The following AFG2A variants were observed in gnomAD, a reference collection of about 807,000 sequenced individuals.
AFG2A encodes the protein ATPase family gene 2 protein homolog A.
At chr4:123,213,634 A>G in the AFG2A span, among the ~76,000 whole-genome samples, 1 of 152,150 alleles carries the variant, frequency 6.6e-6, no homozygotes, top group African/African-American at 2.4e-5. Flanking sequence ...ATGGGAAAAA[A>G]CATTTTGTAC....
At chr4:122,939,241 A>G in the AFG2A span, among the ~76,000 whole-genome samples, 1 of 151,808 alleles carries the variant, frequency 6.6e-6, no homozygotes, top group African/African-American at 2.4e-5. Flanking sequence ...ATGTACCACC[A>G]CGCCTGGCTG....
At chr4:123,181,336 C>G in the AFG2A span, among the ~76,000 whole-genome samples, 100,235 of 151,718 alleles carry the variant, frequency 0.66, 33,838 homozygotes, top group Non-Finnish European at 0.72. Context: ...AGCTGGCCAA[C>G]CACGGTGATT....
At chr4:123,177,136 G>A in the AFG2A span, among the ~76,000 whole-genome samples, 1 of 151,350 alleles carries the variant, frequency 6.6e-6, no homozygotes, top group Non-Finnish European at 1.5e-5. Flanking sequence ...TTTAGTGTCT[G>A]TGTAATCATG....
At chr4:122,991,512 T>G in the AFG2A span, among the ~76,000 whole-genome samples, 2 of 152,178 alleles carry the variant, frequency 1.3e-5, no homozygotes, top group Admixed American at 6.6e-5. Flanking sequence ...CCCAGTTAAC[T>G]CTCAGAACTG....
chr4:123,082,854 TTG>T, the AFG2A span, among the ~76,000 whole-genome samples: 1 of 152,114 alleles, frequency 6.6e-6, no homozygotes, highest in African/African-American at 2.4e-5. Context: ...TCATTGGTGT[TTG>T]TATTTTTTCT....
chr4:123,219,859 T>C, the AFG2A span, among the ~76,000 whole-genome samples: 2 of 151,842 alleles, frequency 1.3e-5, no homozygotes, highest in African/African-American at 4.9e-5. Context: ...TTAACTGTAA[T>C]GAGTTGAAAA....
At chr4:122,923,440 G>T in the AFG2A span, 2 of 1,163,122 alleles carry the variant, frequency 1.7e-6, no homozygotes, top group South Asian at 1.5e-5. Flanking sequence ...GCACAGAAGC[G>T]TGTAAGACTT....
At chr4:123,064,482 C>T in the AFG2A span, among the ~76,000 whole-genome samples, 1 of 152,206 alleles carries the variant, frequency 6.6e-6, no homozygotes, top group South Asian at 2.1e-4. Flanking sequence ...GCAGTTGACT[C>T]TAGTACTTTG....
the AFG2A span, among the ~76,000 whole-genome samples, chr4:123,225,768 G>A: frequency 6.6e-6 from 1 of 152,162 alleles, no homozygotes; most frequent in Non-Finnish European, 1.5e-5. Flanking sequence ...GTAGTTTGAT[G>A]GGGATGGCAT....
the AFG2A span, among the ~76,000 whole-genome samples, chr4:122,958,242 C>A: frequency 1.3e-5 from 2 of 152,158 alleles, no homozygotes; most frequent in East Asian, 3.8e-4. Flanking sequence ...TTTTTGCCTT[C>A]CCACTGACAG....
chr4:123,248,431 G>C, the AFG2A span, among the ~76,000 whole-genome samples: 2 of 152,162 alleles, frequency 1.3e-5, no homozygotes, highest in Non-Finnish European at 2.9e-5. Flanking sequence ...AGAATTTCAA[G>C]CTTTAAAAGA....
chr4:123,072,083 C>T, the AFG2A span, among the ~76,000 whole-genome samples: 2 of 152,188 alleles, frequency 1.3e-5, no homozygotes, highest in Non-Finnish European at 2.9e-5. Flanking sequence ...AGTATAGGCT[C>T]TGGAATCAAG....
chr4:123,043,567 A>G, the AFG2A span, among the ~76,000 whole-genome samples: 1 of 152,214 alleles, frequency 6.6e-6, no homozygotes, highest in African/African-American at 2.4e-5. Context: ...AAGTGATGAT[A>G]CCAGTCATTT....
At chr4:123,185,977 G>T in the AFG2A span, among the ~76,000 whole-genome samples, 1 of 151,860 alleles carries the variant, frequency 6.6e-6, no homozygotes, top group South Asian at 2.1e-4. Flanking sequence ...GGGGACTTTT[G>T]TTAGGTCAAG....
the AFG2A span, among the ~76,000 whole-genome samples, chr4:123,118,036 A>G: frequency 1.3e-5 from 2 of 151,830 alleles, no homozygotes; most frequent in Admixed American, 1.3e-4. Flanking sequence ...AATAAACTTC[A>G]TGTTATTCTA....
At chr4:123,125,844 T>G in the AFG2A span, among the ~76,000 whole-genome samples, 1 of 152,200 alleles carries the variant, frequency 6.6e-6, no homozygotes, top group East Asian at 1.9e-4. Flanking sequence ...CTCAATTTCT[T>G]TTTTCTGCTC....
chr4:122,963,484 A>C, the AFG2A span, among the ~76,000 whole-genome samples: 1 of 152,196 alleles, frequency 6.6e-6, no homozygotes, highest in Non-Finnish European at 1.5e-5. Context: ...AGCACCTTGT[A>C]TGTACTAACA....
At chr4:122,924,369 A>AC in the AFG2A span, among the ~76,000 whole-genome samples, 1 of 151,876 alleles carries the variant, frequency 6.6e-6, no homozygotes, top group Non-Finnish European at 1.5e-5. Flanking sequence ...TTTGACTTCC[A>AC]CCCCATCATT....
At chr4:123,298,741 G>T in the AFG2A span, among the ~76,000 whole-genome samples, 112 of 152,268 alleles carry the variant, frequency 7.4e-4, no homozygotes, top group African/African-American at 2.5e-3. Flanking sequence ...AATCAAGAGT[G>T]TTCATTAAAA....
Sources: allele counts gnomAD v4.1 joint callset (sites outside exome capture counted in the v4.1 genomes callset), GRCh38; gene constraint gnomAD v4.1.1; transcripts MANE v1.5; gene names NCBI Gene and HGNC (gene_info 2026-07-23, HGNC 2026-07-21).